Variants in KALRN observed in about 807,000 individuals in gnomAD.
KALRN encodes kalirin.
In KALRN, 70 loss-of-function variants were observed where a neutral mutation model predicts 353.7. The observed-to-expected ratio is 0.20, with a 90% CI of 0.16 to 0.24. The LOEUF (loss-of-function observed/expected upper bound fraction) is 0.24. KALRN is among the 10% of genes least tolerant of loss of function. The pLI, the probability that KALRN is intolerant of heterozygous loss-of-function variation, is 1.00. For missense variants in KALRN, 2,791 were observed against 3,756.7 expected (o/e 0.74, Z 6.72); for synonymous variants, 1,391 against 1,434.8 (o/e 0.97, Z 0.69).
At chr3:124,518,486 G>A (rs1291560953) in intron 33 of KALRN, 1 of 1,613,852 alleles carries the variant, frequency 6.2e-7, no homozygotes, top group Admixed American at 1.7e-5. Flanking sequence ...ACTTGTCCCT[G>A]CAGCTCACCG....
chr3:124,249,904 C>T (rs2070877546), intron 3 of KALRN, among the ~76,000 whole-genome samples: 1 of 152,212 alleles, frequency 6.6e-6, no homozygotes, highest in African/African-American at 2.4e-5. Context: ...CAAGGTTTTT[C>T]CTCCATGTAA....
At chr3:124,522,263 G>A (rs1294869993) in intron 33 of KALRN, among the ~76,000 whole-genome samples, 2 of 151,550 alleles carry the variant, frequency 1.3e-5, no homozygotes, top group African/African-American at 2.4e-5. Flanking sequence ...AGAAAATGAT[G>A]TACTGAGTCA....
chr3:124,627,826 TGA>T lies in KALRN; in HGVS notation c.5183-4591_5183-4590del, dbSNP rs200329913. Among the ~76,000 whole-genome samples, 1,445 of 152,348 alleles carry T rather than the reference TGA, an allele frequency of 9.5e-3. 15 individuals carry two copies. The highest frequency in any genetic ancestry group is 0.022 in the South Asian group (106 of 4,826). On this transcript the variant is annotated intron_variant, in intron 34 of 59. Coordinates refer to ENST00000682506, the MANE Select transcript of KALRN (RefSeq NM_001388419.1). ...AGACCACAGCCAGCAAGGAATTTTC[TGA>T]GATAAGATTACAGCTTTTTCCTTAA... is the stretch of plus-strand genomic sequence containing the variant.
chr3:124,573,887 C>A (rs988014965), intron 34 of KALRN, among the ~76,000 whole-genome samples: 5 of 152,182 alleles, frequency 3.3e-5, no homozygotes, highest in Non-Finnish European at 7.3e-5. Context: ...GCTAAAAATT[C>A]AAGTTTTTCC....
At chr3:124,517,542 A>G (rs2066754930) in intron 33 of KALRN, among the ~76,000 whole-genome samples, 1 of 152,218 alleles carries the variant, frequency 6.6e-6, no homozygotes, top group Non-Finnish European at 1.5e-5. Flanking sequence ...TTCCAAGAGC[A>G]TTACAAGTTG....
chr3:124,348,846 T>G (rs777808792), intron 10 of KALRN, among the ~76,000 whole-genome samples: 2 of 150,622 alleles, frequency 1.3e-5, no homozygotes, highest in African/African-American at 2.4e-5. Flanking sequence ...GCCTACTGAG[T>G]AGCTGGGATT....
Position 124,430,733 on chromosome 3 carries a change from G to C in KALRN, c.2787G>C (p.Glu929Asp). ...LVNASSLSEA[E>D]QLQREHEQFQ... ...ATGCCAGCTCTTTGTCGGAAGCAGA[G>C]CAGCTGCAGCGGGAGCACGAGCAGT... Residue 929 changes from glutamate to aspartate, a missense_variant, in exon 16 of 60, where the codon GAG becomes GAC. Transcript: ENST00000682506. 6.2e-7 allele frequency: 1 copy of C among 1,614,114 alleles called. No homozygotes were observed. The highest frequency in any genetic ancestry group is 8.5e-7 in the Non-Finnish European group (1 of 1,179,990).
chr3:124,379,054 C>A (rs2086962077), intron 10 of KALRN, among the ~76,000 whole-genome samples: 1 of 152,050 alleles, frequency 6.6e-6, no homozygotes, highest in Admixed American at 6.6e-5. Flanking sequence ...ATTGGCCTGT[C>A]TGAAGTTATC....
chr3:124,482,766 C>A, intron 27 of KALRN, 42 bp from the exon 28 acceptor site: 1 of 1,313,786 alleles, frequency 7.6e-7, no homozygotes, highest in East Asian at 2.3e-5. Context: ...CACATGCACA[C>A]ACCCCTCTGT....
At chr3:124,512,174 G>C (rs985255393) in intron 33 of KALRN, among the ~76,000 whole-genome samples, 36 of 152,234 alleles carry the variant, frequency 2.4e-4, no homozygotes, top group African/African-American at 8.7e-4. Flanking sequence ...TGTGGTTTGA[G>C]GGGCAAGAAC....
intron 1 of KALRN, among the ~76,000 whole-genome samples, chr3:124,120,465 C>T (rs1028548754): frequency 6.6e-6 from 1 of 152,110 alleles, no homozygotes; most frequent in African/African-American, 2.4e-5. Flanking sequence ...AGGGGACTGT[C>T]ACTTAGAACT....
rs1491329331 is a variant in KALRN at position 124,439,188 on chromosome 3, T to TCACACACACA, written c.3198+152_3198+153insACACACACAC. On this transcript the variant is annotated intron_variant, in intron 18 of 59. Coordinates refer to ENST00000682506, the MANE Select transcript of KALRN (RefSeq NM_001388419.1). ...TTCTCCTCCTCCTCCTTCTTCTCCT[T>TCACACACACA]CTCTCTCTCTCTCACACACACACAC... The TCACACACACA allele has an allele frequency of 2.4e-4, 89 of 363,298 alleles. 2 individuals carry two copies. The highest frequency in any genetic ancestry group is 2.0e-3 in the East Asian group (34 of 16,936). 22.5% of individuals were successfully genotyped at this position (363,298 alleles called of 1,614,324 possible).
intron 1 of KALRN, among the ~76,000 whole-genome samples, chr3:124,110,637 T>A (rs962227159): frequency 6.6e-6 from 1 of 152,188 alleles, no homozygotes; most frequent in Non-Finnish European, 1.5e-5. Context: ...ATGATAACAT[T>A]CTTCTGCAAT....
intron 32 of KALRN, among the ~76,000 whole-genome samples, chr3:124,495,219 T>C (rs1410962124): frequency 6.6e-6 from 1 of 152,152 alleles, no homozygotes; most frequent in Non-Finnish European, 1.5e-5. Context: ...GTGGAACCTG[T>C]GACTGTTCAC....
intron 1 of KALRN, among the ~76,000 whole-genome samples, chr3:124,150,267 TTATGTG>T (rs1453389471): frequency 6.6e-6 from 1 of 152,262 alleles, no homozygotes; most frequent in Non-Finnish European, 1.5e-5. Flanking sequence ...AAAAAGCCCC[TTATGTG>T]TATTTGTTCA....
chr3:124,287,191 C>T (rs1183117646), intron 5 of KALRN, among the ~76,000 whole-genome samples: 1 of 152,130 alleles, frequency 6.6e-6, no homozygotes, highest in African/African-American at 2.4e-5. Context: ...TTAGAACTCC[C>T]AGCATTTCCC....
At chr3:124,455,660 A>C (rs1577072096) in intron 22 of KALRN, among the ~76,000 whole-genome samples, 2 of 152,274 alleles carry the variant, frequency 1.3e-5, no homozygotes, top group Non-Finnish European at 2.9e-5. Flanking sequence ...GACTTTGAGA[A>C]CCAAAAGCTT....
intron 15 of KALRN, among the ~76,000 whole-genome samples, chr3:124,427,963 A>C (rs1396984989): frequency 6.6e-6 from 1 of 152,218 alleles, no homozygotes; most frequent in Non-Finnish European, 1.5e-5. Context: ...TTATGCAAGG[A>C]AAGTGTTCAC....
intron 1 of KALRN, among the ~76,000 whole-genome samples, chr3:124,130,447 G>A (rs1461400811): frequency 2.0e-5 from 3 of 152,056 alleles, no homozygotes; most frequent in Non-Finnish European, 2.9e-5. Context: ...ATGGGGTACC[G>A]TCTTTTCCAG....
Sources: gnomAD v4.1 joint callset for allele counts (sites outside exome capture counted in the v4.1 genomes callset) on GRCh38, gnomAD v4.1.1 for gene constraint, MANE v1.5 for transcripts, NCBI Gene and HGNC (gene_info 2026-07-23, HGNC 2026-07-21) for gene names.